Variants in VTCN1 observed in about 807,000 individuals in gnomAD.
The protein encoded by VTCN1 is V-set domain containing T cell activation inhibitor 1.
Under a neutral mutation model 26.5 loss-of-function variants are expected in VTCN1, and 26 were observed. The observed-to-expected ratio is 0.98, with a 90% CI of 0.72 to 1.36. VTCN1 has a LOEUF of 1.36. Ranked by LOEUF, VTCN1 falls within the 40% of genes most tolerant of loss-of-function variation. The pLI, the probability that VTCN1 is intolerant of heterozygous loss-of-function variation, is 0.00. For synonymous variants in VTCN1, 116 were observed against 130.7 expected (o/e 0.89, Z 0.77); for missense variants, 298 against 337.7 (o/e 0.88, Z 0.92).
At chr1:117,208,144 T>C (rs149387177) in intron 1 of VTCN1, among the ~76,000 whole-genome samples, 1 of 152,328 alleles carries the variant, frequency 6.6e-6, no homozygotes, top group Non-Finnish European at 1.5e-5. Context: ...CAGTGTGACC[T>C]GGTGTGACCT....
chr1:117,147,679 G>C lies in VTCN1; in HGVS notation c.828C>G (p.Ser276Arg). 6.2e-7 allele frequency: 1 copy of C among 1,613,924 alleles called. No homozygotes were observed. Among genetic ancestry groups the C allele is most frequent in the Non-Finnish European group, 8.5e-7 (1 of 1,179,900 alleles). Residue 276 changes from serine (S) to arginine (R), a missense_variant, in exon 5 of 6, where the codon AGC becomes AGG. Transcript: ENST00000369458. This position sits in a 1 kb window ranked among gnomAD's most constrained non-coding sequence, Gnocchi z 4.6. Reference protein sequence around the residue: ...FAISWALLPLSPYLMLK With the variant: ...FAISWALLPLRPYLMLK ...CACATTATTTTAGCATCAGGTAAGG[G>C]CTGAGAGGCAGAAGTGCCCAGCTGA...
At chr1:117,178,388 C>T (rs10923216) in intron 1 of VTCN1, among the ~76,000 whole-genome samples, 102,064 of 150,024 alleles carry the variant, frequency 0.68, 35,061 homozygotes, top group East Asian at 0.97. Context: ...TCCTGAGTAG[C>T]TGGGATTACA....
intron 1 of VTCN1, among the ~76,000 whole-genome samples, chr1:117,176,426 CAAG>C (rs142338933): frequency 0.036 from 5,413 of 152,278 alleles, 253 homozygotes; most frequent in African/African-American, 0.096. Context: ...TTTCTAAAAA[CAAG>C]AGCTTTCTGG....
At chr1:117,151,171 C>T (rs1211511067) in intron 4 of VTCN1, among the ~76,000 whole-genome samples, 1 of 151,910 alleles carries the variant, frequency 6.6e-6, no homozygotes, top group African/African-American at 2.4e-5. Flanking sequence ...TAAGTGTGAG[C>T]CACCATGCCC....
intron 2 of VTCN1, among the ~76,000 whole-genome samples, chr1:117,158,075 C>A (rs1652180765): frequency 6.6e-6 from 1 of 152,222 alleles, no homozygotes; most frequent in African/African-American, 2.4e-5. Context: ...GCCTCCCTCC[C>A]AGCTGCTTTC....
chr1:117,201,909 T>A (rs1319843134), intron 1 of VTCN1, among the ~76,000 whole-genome samples: 1 of 152,228 alleles, frequency 6.6e-6, no homozygotes, highest in African/African-American at 2.4e-5. Context: ...TTTCCTTGGA[T>A]GAGCAGAAGT....
chr1:117,150,174 T>C lies in VTCN1; in HGVS notation c.725-2392A>G, dbSNP rs889569432. ...AGGCCTTTCATCAGATACTGCCTCA[T>C]TGGCCTAGGTATGGGCAGCTGACCC... On this transcript the variant is annotated intron_variant, in intron 4 of 5. Coordinates refer to ENST00000369458, the MANE Select transcript of VTCN1 (RefSeq NM_024626.4). Among the ~76,000 whole-genome samples the C allele has an allele frequency of 1.2e-4, 18 of 152,194 alleles. No individual in the cohort carries two copies. The East Asian group carries it at 2.7e-3, about 23-fold the overall frequency.
At position 117,147,559 on chromosome 1, in the gene VTCN1, G is replaced by T; in HGVS notation, c.*45+54C>A. ...GCTGAAGGCTATCCGACTCTCATTA[G>T]GAGCACAAGCACCCACAGAACCAAT... On this transcript the variant is annotated intron_variant, in intron 5 of 5. Transcript: ENST00000369458. The surrounding 1 kb of genome is among the most constrained non-coding windows in gnomAD (Gnocchi z 4.6). 6.8e-7 allele frequency: 1 copy of T among 1,469,144 alleles called. No individual in the cohort carries two copies. Among genetic ancestry groups the T allele is most frequent in the Non-Finnish European group, 9.2e-7 (1 of 1,090,426 alleles). The allele number at this position is 1,469,144 out of a possible 1,614,324, so 91.0% of individuals were successfully genotyped here.
chr1:117,210,792 C>A, intron 1 of VTCN1, 32 bp downstream of exon 1: 1 of 1,612,760 alleles, frequency 6.2e-7, no homozygotes, highest in Non-Finnish European at 8.5e-7. Context: ...GTTCCCTTCA[C>A]CCATAAGGAT....
rs1651882095 is a variant in VTCN1, at chr1:117,153,158, G to T, written c.657C>A (p.Ile219=). The T allele has an allele frequency of 6.2e-7, 1 of 1,614,014 alleles. No homozygotes were observed. The highest frequency in any genetic ancestry group is 8.5e-7 in the Non-Finnish European group (1 of 1,180,010). The part of the protein sequence containing the change: ...KVVSVLYNVT[I]NNTYSCMIEN... ...CAATCATACAGGAGTATGTGTTGTT[G>T]ATCGTAACATTGTAGAGCACAGACA... The change falls in exon 4 of 6, where the codon ATC becomes ATA. Residue 219 remains isoleucine (I), a synonymous_variant. Transcript: ENST00000369458.
chr1:117,185,651 A>G (rs1279818096), intron 1 of VTCN1, among the ~76,000 whole-genome samples: 1 of 152,214 alleles, frequency 6.6e-6, no homozygotes, highest in Non-Finnish European at 1.5e-5. Flanking sequence ...TTTATCCGAT[A>G]AGAAACACTT....
intron 1 of VTCN1, among the ~76,000 whole-genome samples, chr1:117,177,697 G>C (rs78886318): frequency 0.038 from 5,851 of 152,076 alleles, 161 homozygotes; most frequent in South Asian, 0.082. Flanking sequence ...TCACAGCACA[G>C]TTTAGTGGAT....
rs12565256 is a variant in VTCN1, at chr1:117,146,344, T to C, written c.*46-1119A>G. Reference sequence around the variant, plus strand: ...CGGGTTTCCTTACAAAGAATCTCCTTTGTTCACTGCACTATAGTGAAATCT... The same window carrying C: ...CGGGTTTCCTTACAAAGAATCTCCTCTGTTCACTGCACTATAGTGAAATCT... On this transcript the variant is annotated intron_variant, in intron 5 of 5. Transcript: ENST00000369458. The surrounding 1 kb of genome is among the most constrained non-coding windows in gnomAD (Gnocchi z 4.2). Among the ~76,000 whole-genome samples the C allele has an allele frequency of 1.3e-5, 2 of 152,164 alleles. No homozygotes were observed. Among genetic ancestry groups the C allele is most frequent in the Non-Finnish European group, 2.9e-5 (2 of 68,030 alleles).
chr1:117,178,077 CT>C (rs1485170390), intron 1 of VTCN1, among the ~76,000 whole-genome samples: 5 of 151,208 alleles, frequency 3.3e-5, no homozygotes, highest in African/African-American at 4.9e-5. Context: ...GTAGCTGGGA[CT>C]ACAGGTGCAC....
rs532021052 is a variant in VTCN1 at position 117,207,096 on chromosome 1, A to C, written c.32+3728T>G. On this transcript the variant is annotated intron_variant, in intron 1 of 5. Coordinates refer to ENST00000369458, the MANE Select transcript of VTCN1 (RefSeq NM_024626.4). Reference sequence around the variant, plus strand: ...GAGGCACTGTTTTCTCTGACCTTCAAGGTCTGAGATGTCTGAGCCAGGCAC... The same window carrying C: ...GAGGCACTGTTTTCTCTGACCTTCACGGTCTGAGATGTCTGAGCCAGGCAC... Among the ~76,000 whole-genome samples the C allele has an allele frequency of 1.5e-4, 23 of 152,256 alleles. No individual in the cohort carries two copies. The South Asian group carries it at 4.1e-3, about 27-fold the overall frequency.
At chr1:117,196,880 G>A (rs749648295) in intron 1 of VTCN1, among the ~76,000 whole-genome samples, 29 of 152,264 alleles carry the variant, frequency 1.9e-4, no homozygotes, top group Non-Finnish European at 2.8e-4. Context: ...CAGTTCCAGA[G>A]AGCTCAAGCC....
At chr1:117,187,265 A>T (rs1647989848) in intron 1 of VTCN1, among the ~76,000 whole-genome samples, 1 of 133,934 alleles carries the variant, frequency 7.5e-6, no homozygotes. Flanking sequence ...GAGCTAGATC[A>T]TGCCACTGCA....
intron 1 of VTCN1, among the ~76,000 whole-genome samples, chr1:117,188,045 T>C (rs1045783867): frequency 6.6e-6 from 1 of 151,538 alleles, no homozygotes; most frequent in Admixed American, 6.6e-5. Flanking sequence ...TCTTCGGGGA[T>C]TTTTTTTTCT....
intron 4 of VTCN1, 132 bp downstream of exon 4, chr1:117,152,959 G>T: frequency 9.6e-7 from 1 of 1,037,516 alleles, no homozygotes; most frequent in Non-Finnish European, 1.4e-6. Flanking sequence ...CTGGAATTGA[G>T]TGATCAAATT....
Sources: gnomAD v4.1 joint callset for allele counts (sites outside exome capture counted in the v4.1 genomes callset) on GRCh38, gnomAD v4.1.1 for gene constraint, Gnocchi (gnomAD v3.1) non-coding constraint, MANE v1.5 for transcripts, NCBI Gene and HGNC (gene_info 2026-07-23, HGNC 2026-07-21) for gene names.